TMC1: variants seen among roughly 807,000 people sequenced by gnomAD.
TMC1 encodes transmembrane channel like 1, also known as transmembrane channel-like protein 1.
In TMC1, 84 loss-of-function variants were observed where a neutral mutation model predicts 105.8. The ratio of observed to expected loss-of-function variants is 0.79; its 90% confidence interval spans 0.67 to 0.95. The LOEUF is 0.95. Ranked by LOEUF, TMC1 falls within the 40% of genes least tolerant of loss-of-function variation. The probability of loss-of-function intolerance (pLI) is 0.00; values close to 1 mark genes in which losing one functional copy is unlikely to be tolerated. For missense variants in TMC1, 817 were observed against 914.1 expected (o/e 0.89, Z 1.37); for synonymous variants, 315 against 311.5 (o/e 1.01, Z -0.12).
At chr9:72,584,736 C>T (rs1010662716) in intron 2 of TMC1, among the ~76,000 whole-genome samples, 14 of 150,386 alleles carry the variant, frequency 9.3e-5, no homozygotes, top group Admixed American at 6.6e-4. Context: ...TGATCCTTCT[C>T]GAATGCCTTA....
chr9:72,622,545 T>C (rs1825272592), intron 3 of TMC1, among the ~76,000 whole-genome samples: 1 of 152,136 alleles, frequency 6.6e-6, no homozygotes, highest in Non-Finnish European at 1.5e-5. Flanking sequence ...CCTTTATATA[T>C]CTTTTAGTAG....
chr9:72,591,468 C>CAGT (rs1242457848), intron 2 of TMC1, among the ~76,000 whole-genome samples: 2 of 152,168 alleles, frequency 1.3e-5, no homozygotes, highest in Non-Finnish European at 2.9e-5. Flanking sequence ...AAGGCTATTG[C>CAGT]AGTAGCCCGG....
At chr9:72,637,356 G>A (rs1400240104) in intron 4 of TMC1, among the ~76,000 whole-genome samples, 2 of 151,748 alleles carry the variant, frequency 1.3e-5, no homozygotes, top group African/African-American at 2.4e-5. Flanking sequence ...GTTCTTCACC[G>A]TGATAATCCA....
intron 21 of TMC1, among the ~76,000 whole-genome samples, chr9:72,829,083 G>A (rs1419003896): frequency 6.6e-6 from 1 of 152,190 alleles, no homozygotes; most frequent in East Asian, 1.9e-4. Flanking sequence ...AAGGTTGATT[G>A]TGGCTCTGAG....
chr9:72,671,039 T>C (rs1826119991), intron 5 of TMC1, among the ~76,000 whole-genome samples: 1 of 152,176 alleles, frequency 6.6e-6, no homozygotes, highest in Admixed American at 6.5e-5. Context: ...CACAGAAGCA[T>C]ACACATTTAC....
chr9:72,765,495 G>T (rs910861975), intron 12 of TMC1, among the ~76,000 whole-genome samples: 18 of 151,698 alleles, frequency 1.2e-4, no homozygotes, highest in Non-Finnish European at 1.8e-4. Flanking sequence ...GCAGGCAATT[G>T]GGAAGCGAAT....
chr9:72,629,196 G>C (rs1257623432), intron 4 of TMC1, among the ~76,000 whole-genome samples: 2 of 152,160 alleles, frequency 1.3e-5, no homozygotes, highest in South Asian at 2.1e-4. Flanking sequence ...ATGAATGGCA[G>C]AGCTGGGAGT....
chr9:72,596,294 T>C (rs947555058), intron 2 of TMC1, among the ~76,000 whole-genome samples: 5 of 152,214 alleles, frequency 3.3e-5, no homozygotes, highest in African/African-American at 1.2e-4. Flanking sequence ...AAAAAGGTGC[T>C]GGTCACTAGG....
At chr9:72,690,362 A>G (rs1826444515) in intron 6 of TMC1, among the ~76,000 whole-genome samples, 1 of 152,098 alleles carries the variant, frequency 6.6e-6, no homozygotes, top group Admixed American at 6.6e-5. Flanking sequence ...AAAAGTTACC[A>G]ATATACTGTC....
At chr9:72,691,164 C>T (rs953558852) in intron 6 of TMC1, among the ~76,000 whole-genome samples, 1 of 151,942 alleles carries the variant, frequency 6.6e-6, no homozygotes, top group Admixed American at 6.6e-5. Flanking sequence ...TTGTCTTGTA[C>T]TCTTCAATAT....
chr9:72,788,204 A>G, intron 13 of TMC1, 135 bp from the exon 14 acceptor site: 1 of 946,368 alleles, frequency 1.1e-6, no homozygotes, highest in Non-Finnish European at 1.6e-6. Flanking sequence ...TTTTCTGGTC[A>G]TTAGAACAAA....
rs547853866 is a variant in TMC1 at position 72,584,199 on chromosome 9, A to G, written c.-306+6176A>G. On this transcript the variant is annotated intron_variant, in intron 2 of 23. Transcript: ENST00000297784. ...CTTTAAAAGATAAAGAGGTATTTCA[A>G]AGGCAAACAATGGAGAGAAGATCAT... Among the ~76,000 whole-genome samples the G allele has an allele frequency of 2.6e-5, 4 of 152,324 alleles. No homozygotes were observed. The East Asian group carries it at 7.7e-4, about 29-fold the overall frequency.
chr9:72,821,538 G>A (rs1044418713), intron 20 of TMC1, among the ~76,000 whole-genome samples: 2 of 151,778 alleles, frequency 1.3e-5, no homozygotes, highest in Admixed American at 6.6e-5. Flanking sequence ...AGATCCTTTG[G>A]GTATTCAGGT....
At chr9:72,821,695 G>A (rs1828875867) in intron 20 of TMC1, among the ~76,000 whole-genome samples, 1 of 152,188 alleles carries the variant, frequency 6.6e-6, no homozygotes, top group African/African-American at 2.4e-5. Context: ...TTAGAGGATA[G>A]CTAAGAGCAA....
At chr9:72,626,443 A>G (rs569167940) in intron 3 of TMC1, among the ~76,000 whole-genome samples, 1 of 152,346 alleles carries the variant, frequency 6.6e-6, no homozygotes, top group East Asian at 1.9e-4. Context: ...ATCACCTGAA[A>G]GATAATATAC....
intron 2 of TMC1, among the ~76,000 whole-genome samples, chr9:72,614,250 A>C (rs1159688774): frequency 6.6e-6 from 1 of 152,146 alleles, no homozygotes; most frequent in African/African-American, 2.4e-5. Flanking sequence ...TGATGTCATA[A>C]TTTTGATCAG....
intron 8 of TMC1, among the ~76,000 whole-genome samples, chr9:72,734,763 A>C (rs1393409267): frequency 6.6e-6 from 1 of 152,184 alleles, no homozygotes; most frequent in Admixed American, 6.5e-5. Context: ...AGTTGCCTAA[A>C]CACCAGTTTT....
chr9:72,794,637 T>G (rs1338839232), intron 17 of TMC1, among the ~76,000 whole-genome samples: 1 of 152,190 alleles, frequency 6.6e-6, no homozygotes, highest in African/African-American at 2.4e-5. Flanking sequence ...GTATTCAATC[T>G]ACATTGCAGT....
chr9:72,800,633 A>T (rs1355623579), intron 17 of TMC1, among the ~76,000 whole-genome samples: 1 of 150,782 alleles, frequency 6.6e-6, no homozygotes. Flanking sequence ...CCCGTGGATT[A>T]TGCTGCTTGT....
Sources: allele counts gnomAD v4.1 joint callset (sites outside exome capture counted in the v4.1 genomes callset), GRCh38; gene constraint gnomAD v4.1.1; transcripts MANE v1.5; gene names NCBI Gene and HGNC (gene_info 2026-07-23, HGNC 2026-07-21).